BIRC6: variants seen among roughly 807,000 people sequenced by gnomAD.
BIRC6 encodes the protein baculoviral IAP repeat containing 6.
BIRC6 carries 98 observed loss-of-function variants against 503.3 expected under a neutral mutation model. The ratio of observed to expected loss-of-function variants is 0.19; its 90% CI spans 0.17 to 0.23. The LOEUF (loss-of-function observed/expected upper bound fraction) is 0.23. Among genes scored for constraint, BIRC6 ranks in the 10% least tolerant of loss-of-function variants. The pLI is 1.00. For missense variants in BIRC6, 5,360 were observed against 5,806.0 expected (o/e 0.92, Z 2.50); for synonymous variants, 2,240 against 2,078.7 (o/e 1.08, Z -2.11).
At chr2:32,566,717 G>A (rs187899865) in intron 65 of BIRC6, among the ~76,000 whole-genome samples, 7 of 152,022 alleles carry the variant, frequency 4.6e-5, no homozygotes, top group East Asian at 3.9e-4. Flanking sequence ...TGATATACCT[G>A]TTTATTGAGA....
At chr2:32,498,149 C>T (rs2052709589) in intron 45 of BIRC6, among the ~76,000 whole-genome samples, 1 of 152,160 alleles carries the variant, frequency 6.6e-6, no homozygotes, top group Non-Finnish European at 1.5e-5. Context: ...GCAACCTCCG[C>T]CTTCTGGGTT....
At chr2:32,374,274 G>A (rs889906433) in intron 1 of BIRC6, among the ~76,000 whole-genome samples, 1 of 151,500 alleles carries the variant, frequency 6.6e-6, no homozygotes, top group Non-Finnish European at 1.5e-5. Context: ...TTGTTCCATT[G>A]AGCTATATGT....
chr2:32,471,738 A>T (rs2049131755), intron 32 of BIRC6, among the ~76,000 whole-genome samples: 1 of 152,044 alleles, frequency 6.6e-6, no homozygotes, highest in South Asian at 2.1e-4. Context: ...TAAATAAAGG[A>T]TTTGAGATAC....
chr2:32,421,263 C>T (rs546572508), intron 10 of BIRC6, among the ~76,000 whole-genome samples: 28 of 151,910 alleles, frequency 1.8e-4, no homozygotes, highest in African/African-American at 4.6e-4. Flanking sequence ...CGAGCCACCA[C>T]GCCCAGCTAA....
At chr2:32,511,465 A>G (rs1295749391) in intron 53 of BIRC6, among the ~76,000 whole-genome samples, 1 of 126,784 alleles carries the variant, frequency 7.9e-6, no homozygotes, top group African/African-American at 3.0e-5. Context: ...GACCACCACT[A>G]TAACTGACTA....
At chr2:32,614,027 A>G (rs1184433130) in intron 73 of BIRC6, among the ~76,000 whole-genome samples, 1 of 152,120 alleles carries the variant, frequency 6.6e-6, no homozygotes, top group East Asian at 1.9e-4. Context: ...TTTTACATAG[A>G]TACCCTGTCA....
chr2:32,499,584 C>G lies in BIRC6; in HGVS notation c.8506C>G (p.Gln2836Glu), dbSNP rs2052909281. The G allele has an allele frequency of 1.2e-6, 2 of 1,613,122 alleles. No homozygotes were observed. The highest frequency in any genetic ancestry group is 8.5e-7 in the Non-Finnish European group (1 of 1,179,528). Reference protein sequence around the residue: ...FQTGQGPLDAQVKLLEFTLEQ... With the variant: ...FQTGQGPLDAEVKLLEFTLEQ... ...GACAGGCCAAGGACCTCTCGATGCC[C>G]AAGTGAAGCTCTTAGAATTCACTCT... The change falls in exon 46 of 74, where the codon CAA (glutamine) becomes GAA (glutamate). Residue 2836 changes from glutamine (Q) to glutamate (E), a missense_variant. This residue lies in a region of BIRC6 where 2,299 missense variants were observed against 2,267.2 expected (regional missense o/e 1.01). Transcript: ENST00000421745.
In BIRC6 at chr2:32,529,768, T is replaced by A. The variant is rs749642297; in HGVS notation, c.12038T>A (p.Ile4013Lys). The part of the protein sequence containing the change: ...DLTVKLGSRV[I>K]TDPSLSKTDS... ...ACTGTTAAATTGGGATCAAGAGTTA[T>A]AACAGACCCCAGTCTATCAAAAACA... The change falls in exon 60 of 74, where the codon ATA becomes AAA. Residue 4013 changes from isoleucine to lysine, a missense_variant. Around this residue, in one of 16 missense-constraint regions of BIRC6, gnomAD observed 878 missense variants for 928.9 expected, o/e 0.95. Transcript: ENST00000421745. 2 of 1,613,432 alleles carry A rather than the reference T, an allele frequency of 1.2e-6. No individual in the cohort carries two copies. The highest frequency in any genetic ancestry group is 1.3e-5 in the African/African-American group (1 of 74,886).
chr2:32,494,667 T>G (rs981404263), intron 45 of BIRC6, among the ~76,000 whole-genome samples: 10 of 151,966 alleles, frequency 6.6e-5, no homozygotes, highest in Non-Finnish European at 1.3e-4. Flanking sequence ...CCTGGGAGGC[T>G]GAGGCGGGAA....
chr2:32,468,497 A>G lies in BIRC6; in HGVS notation c.5841A>G (p.Leu1947=), dbSNP rs555278716. The change falls in exon 29 of 74, where the codon CTA becomes CTG. Residue 1947 remains leucine, a synonymous_variant. Coordinates refer to ENST00000421745, the MANE Select transcript of BIRC6 (RefSeq NM_016252.4). ...TLLQSIDLPP[L]NSANNAQYFL... is the part of the protein sequence containing the mutation. ...TGCAAAGTATTGATCTTCCTCCTCT[A>G]AACAGTGCTAACAATGCACAGTACT... 1 of 1,613,706 alleles carries G rather than the reference A, an allele frequency of 6.2e-7. No individual in the cohort carries two copies. The highest frequency in any genetic ancestry group is 1.3e-5 in the African/African-American group (1 of 75,056).
chr2:32,511,031 C>G (rs558257417), intron 53 of BIRC6, among the ~76,000 whole-genome samples: 27 of 152,182 alleles, frequency 1.8e-4, no homozygotes, highest in African/African-American at 5.5e-4. Flanking sequence ...GGTACTTCAA[C>G]TGTTTTTATA....
intron 26 of BIRC6, among the ~76,000 whole-genome samples, chr2:32,466,581 A>G (rs1391905998): frequency 6.6e-6 from 1 of 152,264 alleles, no homozygotes; most frequent in Non-Finnish European, 1.5e-5. Flanking sequence ...ACTAAATCAA[A>G]TAATACTATT....
chr2:32,502,732 AT>A, intron 47 of BIRC6, 62 bp from the exon 48 acceptor site: 1 of 1,260,268 alleles, frequency 7.9e-7, no homozygotes, highest in Non-Finnish European at 1.1e-6. Flanking sequence ...TATTACATGC[AT>A]TGAGTTTAGT....
intron 5 of BIRC6, among the ~76,000 whole-genome samples, chr2:32,392,861 C>T (rs1402059964): frequency 6.6e-6 from 1 of 151,550 alleles, no homozygotes; most frequent in East Asian, 2.0e-4. Flanking sequence ...AGACTGGTCT[C>T]GAACTCCTGC....
rs989890959 is a variant in BIRC6, at chr2:32,531,623, T to G, written c.12291+72T>G. 3 of 1,306,120 alleles carry G rather than the reference T, an allele frequency of 2.3e-6. No individual in the cohort carries two copies. In the African/African-American group the frequency reaches 4.5e-5, roughly 19 times the overall value. The allele number at this position is 1,306,120 out of a possible 1,614,324, so 80.9% of individuals were successfully genotyped here. A position where few individuals can be genotyped will look rare whatever the true frequency, so the allele number is the denominator to read the frequency against. ...CTTCATTCTTTTTAATGTTTGTTTT[T>G]TAATGTACTTGGATTAACTTTGTAG... is the stretch of plus-strand genomic sequence containing the variant. On this transcript the variant is annotated intron_variant, in intron 61 of 73. Coordinates refer to ENST00000421745, the MANE Select transcript of BIRC6 (RefSeq NM_016252.4).
At chr2:32,393,422 A>G (rs938189485) in intron 5 of BIRC6, among the ~76,000 whole-genome samples, 1 of 152,244 alleles carries the variant, frequency 6.6e-6, no homozygotes, top group African/African-American at 2.4e-5. Flanking sequence ...TGAGTGGTAT[A>G]GAGTGGCTTA....
chr2:32,514,906 A>G, intron 54 of BIRC6, 84 bp from the exon 55 acceptor site: 1 of 1,082,446 alleles, frequency 9.2e-7, no homozygotes, highest in Non-Finnish European at 1.3e-6. Flanking sequence ...GTCAGAGTAT[A>G]CTTTGAACTA....
chr2:32,446,011 C>G (rs998085486), intron 21 of BIRC6, among the ~76,000 whole-genome samples: 4 of 152,082 alleles, frequency 2.6e-5, no homozygotes, highest in Non-Finnish European at 5.9e-5. Flanking sequence ...GCATGCACCA[C>G]AGGCCTGGCT....
Position 32,357,540 on chromosome 2 carries a change from C to T in BIRC6, c.325+54C>T. 2.0e-6 allele frequency: 3 copies of T among 1,513,816 alleles called. No homozygotes were observed. Among genetic ancestry groups the T allele is most frequent in the East Asian group, 5.3e-5 (2 of 37,472 alleles). The allele number at this position is 1,513,816 out of a possible 1,614,324, so 93.8% of individuals were successfully genotyped here. On this transcript the variant is annotated intron_variant, in intron 1 of 73. Coordinates refer to ENST00000421745, the MANE Select transcript of BIRC6 (RefSeq NM_016252.4). The surrounding 1 kb of genome is among the most constrained non-coding windows in gnomAD (Gnocchi z 4.9). ...GAAGCCGGGGAAAGAAGCCGTCCAG[C>T]CCCGGGGCTCGGCCTCGCGACTCGG...
Sources: allele counts gnomAD v4.1 joint callset (sites outside exome capture counted in the v4.1 genomes callset), GRCh38; gene constraint gnomAD v4.1.1; regional missense constraint gnomAD v4.1.1; non-coding constraint Gnocchi (gnomAD v3.1); transcripts MANE v1.5; gene names NCBI Gene and HGNC (gene_info 2026-07-23, HGNC 2026-07-21).